EIF2AK4: variants seen among roughly 807,000 people sequenced by gnomAD.
EIF2AK4 encodes eIF-2-alpha kinase GCN2.
Under a neutral mutation model 211.1 loss-of-function variants are expected in EIF2AK4, and 139 were observed. That is an observed-to-expected ratio of 0.66 (90% CI 0.57 to 0.76). The LOEUF (loss-of-function observed/expected upper bound fraction) is 0.76, where lower values mean the gene tolerates loss of function less well. Ranked by LOEUF, EIF2AK4 falls within the 30% of genes least tolerant of loss-of-function variation. The pLI is 0.00. For synonymous variants in EIF2AK4, 710 were observed against 751.3 expected (o/e 0.94, Z 0.90); for missense variants, 1,664 against 2,043.8 (o/e 0.81, Z 3.58).
intron 17 of EIF2AK4, 97 bp downstream of exon 17, chr15:39,992,326 G>T: frequency 2.9e-6 from 3 of 1,019,350 alleles, no homozygotes; most frequent in Non-Finnish European, 2.8e-6. Context: ...TTTATTCTAC[G>T]GCAGATTTTA....
At chr15:40,026,322 G>A (rs2035465303) in intron 33 of EIF2AK4, among the ~76,000 whole-genome samples, 1 of 152,120 alleles carries the variant, frequency 6.6e-6, no homozygotes, top group African/African-American at 2.4e-5. Flanking sequence ...GCTGGGCATG[G>A]TGGTGCATTC....
At chr15:39,967,248 C>A in intron 8 of EIF2AK4, 96 bp from the exon 9 acceptor site, 1 of 1,367,234 alleles carries the variant, frequency 7.3e-7, no homozygotes, top group Non-Finnish European at 9.7e-7. Context: ...TTTTTTATGC[C>A]CCCATCTTGT....
chr15:39,941,377 G>A (rs1421754074), intron 2 of EIF2AK4, among the ~76,000 whole-genome samples: 1 of 152,118 alleles, frequency 6.6e-6, no homozygotes, highest in African/African-American at 2.4e-5. Context: ...GGTATGGTTG[G>A]AAGGGGTTTG....
At chr15:39,962,002 C>A in intron 7 of EIF2AK4, 103 bp downstream of exon 7, 2 of 777,804 alleles carry the variant, frequency 2.6e-6, no homozygotes, top group Non-Finnish European at 4.2e-6. Context: ...CAGTGCAGTC[C>A]AAGGAAGACC....
At chr15:39,956,032 GTC>G (rs2034387450) in intron 6 of EIF2AK4, among the ~76,000 whole-genome samples, 3 of 117,050 alleles carry the variant, frequency 2.6e-5, no homozygotes, top group Admixed American at 2.2e-4. Flanking sequence ...TTGAGACGGT[GTC>G]TCGCTCTGTC....
chr15:40,028,541 A>AC (rs980862532), intron 33 of EIF2AK4, among the ~76,000 whole-genome samples: 2 of 151,850 alleles, frequency 1.3e-5, no homozygotes, highest in African/African-American at 2.4e-5. Flanking sequence ...CAGGACTACT[A>AC]CCCCCCAACA....
chr15:39,958,997 G>A (rs72729469), intron 6 of EIF2AK4, among the ~76,000 whole-genome samples: 11,198 of 151,780 alleles, frequency 0.074, 769 homozygotes, highest in Admixed American at 0.2. Context: ...ATGTTTCTCT[G>A]TTCTTTTTAA....
chr15:39,993,088 C>T (rs911270481), intron 18 of EIF2AK4, among the ~76,000 whole-genome samples: 69 of 151,188 alleles, frequency 4.6e-4, no homozygotes, highest in African/African-American at 1.7e-3. Flanking sequence ...ATCCATCCAT[C>T]CATCCATCCA....
At chr15:40,009,782 GATA>G (rs771408499) in intron 26 of EIF2AK4, 52 bp downstream of exon 26, 5 of 1,220,758 alleles carry the variant, frequency 4.1e-6, no homozygotes, top group East Asian at 2.4e-5. Flanking sequence ...GATGTTGAAA[GATA>G]ATAATAATAG....
At chr15:39,981,619 T>C (rs1400884485) in intron 13 of EIF2AK4, among the ~76,000 whole-genome samples, 1 of 152,206 alleles carries the variant, frequency 6.6e-6, no homozygotes, top group Non-Finnish European at 1.5e-5. Flanking sequence ...TTTTTTTTTT[T>C]TCTTTGATAA....
rs774210851 is a variant in EIF2AK4 at position 39,997,053 on chromosome 15, C to T, written c.2856C>T (p.Asn952=). ...CTTCAGAAAGGATCTTTGTTCTCAA[C>T]CAACTCAGAGATGTATGTATCAGGT... ...VTASERIFVL[N]QLRDPTSPKF... is the part of the protein sequence containing the mutation. Residue 952 remains asparagine, a synonymous_variant, in exon 19 of 39, where the codon AAC becomes AAT. Coordinates refer to ENST00000263791, the MANE Select transcript of EIF2AK4 (RefSeq NM_001013703.4). 8 of 1,611,824 alleles carry T rather than the reference C, an allele frequency of 5.0e-6. No homozygotes were observed. Among genetic ancestry groups the T allele is most frequent in the Non-Finnish European group, 6.8e-6 (8 of 1,178,050 alleles).
In EIF2AK4 at chr15:39,939,545, A is replaced by G. The variant is rs1222261277; in HGVS notation, c.185A>G (p.Gln62Arg). 5 of 1,612,430 alleles carry G rather than the reference A, an allele frequency of 3.1e-6. No homozygotes were observed. In the African/African-American group the frequency reaches 4.0e-5, roughly 13 times the overall value. ...PPEINLVLYP[Q>R]GLTGEEVYVK... ...GAAATCAATTTAGTTTTGTACCCTCAAGGCCTAACTGGTGAAGAAGTATAT... is the reference window on the plus strand; with the variant it reads ...GAAATCAATTTAGTTTTGTACCCTCGAGGCCTAACTGGTGAAGAAGTATAT... Residue 62 changes from glutamine to arginine, a missense_variant, in exon 2 of 39, where the codon CAA becomes CGA. Physicochemically the swap from Gln to Arg is conservative, Grantham distance 43. Transcript: ENST00000263791.
At chr15:40,029,361 G>A (rs771285026) in intron 33 of EIF2AK4, 45 bp from the exon 34 acceptor site, 3 of 1,606,832 alleles carry the variant, frequency 1.9e-6, no homozygotes, top group East Asian at 2.2e-5. Context: ...TGTTGCTTGT[G>A]CCTTATTGAC....
intron 9 of EIF2AK4, among the ~76,000 whole-genome samples, chr15:39,972,625 G>A (rs2034640795): frequency 1.3e-5 from 2 of 152,098 alleles, no homozygotes; most frequent in Admixed American, 1.3e-4. Context: ...GCCTACTTGT[G>A]CTACCTTAGA....
chr15:39,941,527 T>A (rs1284464569), intron 2 of EIF2AK4, among the ~76,000 whole-genome samples: 1 of 151,648 alleles, frequency 6.6e-6, no homozygotes, highest in Non-Finnish European at 1.5e-5. Flanking sequence ...ATTCAAAGTG[T>A]TTATTCTTGA....
chr15:40,010,732 C>T (rs1327295773), intron 26 of EIF2AK4, among the ~76,000 whole-genome samples: 2 of 152,194 alleles, frequency 1.3e-5, no homozygotes, highest in Non-Finnish European at 2.9e-5. Context: ...GGCAGGTACA[C>T]ATCAATGGCC....
At position 39,939,612 on chromosome 15, in the gene EIF2AK4, A is replaced by G. The variant is rs939751683; in HGVS notation, c.252A>G (p.Pro84=). The G allele has an allele frequency of 6.2e-7, 1 of 1,602,728 alleles. No individual in the cohort carries two copies. Among genetic ancestry groups the G allele is most frequent in the African/African-American group, 1.3e-5 (1 of 74,680 alleles). ...DLRVKCPPTY[P]DVVPEIELKN... ...GGGTTAAATGCCCACCTACCTATCC[A>G]GATGTGTGAGTACATTTATAAATAG... Residue 84 remains proline (P), a synonymous_variant, in exon 2 of 39, where the codon CCA becomes CCG. Transcript: ENST00000263791.
chr15:40,034,987 A>T (rs767053505), intron 38 of EIF2AK4, 40 bp from the exon 39 acceptor site: 1 of 1,504,354 alleles, frequency 6.6e-7, no homozygotes, highest in East Asian at 2.3e-5. Context: ...TTCACTCATT[A>T]AACTGAGTCT....
intron 25 of EIF2AK4, 82 bp downstream of exon 25, chr15:40,008,277 C>A: frequency 7.9e-7 from 1 of 1,264,768 alleles, no homozygotes; most frequent in Non-Finnish European, 1.1e-6. Flanking sequence ...CAGCTACAGA[C>A]CTGCTTCTCA....
Sources: allele counts gnomAD v4.1 joint callset (sites outside exome capture counted in the v4.1 genomes callset), GRCh38; gene constraint gnomAD v4.1.1; transcripts MANE v1.5; gene names NCBI Gene and HGNC (gene_info 2026-07-23, HGNC 2026-07-21).